Variants in RSPO2 observed in about 807,000 individuals in gnomAD.
RSPO2 encodes R-spondin-2.
In RSPO2, 14 loss-of-function variants were observed where a neutral mutation model predicts 30.9. The observed-to-expected ratio is 0.45, with a 90% CI of 0.30 to 0.71. RSPO2 has a LOEUF of 0.71. Ranked by LOEUF, RSPO2 falls within the 30% of genes least tolerant of loss-of-function variation. The pLI is 0.08. For synonymous variants in RSPO2, 107 were observed against 96.4 expected, an observed-to-expected ratio of 1.11 and a Z score of -0.64; for missense variants, 264 against 301.9, an observed-to-expected ratio of 0.87 and a Z score of 0.93.
At chr8:108,003,303 ATATATATATTTTTTTTT>A (rs1192691699) in intron 2 of RSPO2, among the ~76,000 whole-genome samples, 853 of 26,844 alleles carry the variant, frequency 0.032, 5 homozygotes, top group African/African-American at 0.093. Context: ...ATATATATAT[ATATATATATTTTTTTTT>A]TTTTTTTTTT....
intron 3 of RSPO2, among the ~76,000 whole-genome samples, chr8:107,970,534 T>C (rs1166291936): frequency 6.6e-6 from 1 of 152,176 alleles, no homozygotes; most frequent in African/African-American, 2.4e-5. Context: ...AGTGATGTCT[T>C]CCATATACCA....
intron 5 of RSPO2, among the ~76,000 whole-genome samples, chr8:107,920,271 A>G (rs1386211337): frequency 3.3e-5 from 5 of 152,176 alleles, no homozygotes; most frequent in African/African-American, 7.2e-5. Flanking sequence ...TCATTTAATA[A>G]TAATTCACTG....
chr8:108,081,943 T>G, intron 2 of RSPO2: 1 of 979,074 alleles, frequency 1.0e-6, no homozygotes, highest in Non-Finnish European at 1.2e-6. Context: ...CTCGTCGCAG[T>G]TTCCAGAAAA....
chr8:107,982,763 T>C (rs1358166972), intron 3 of RSPO2, among the ~76,000 whole-genome samples: 1 of 152,202 alleles, frequency 6.6e-6, no homozygotes. Flanking sequence ...AGTGCAACGC[T>C]GACATTGACC....
At chr8:107,997,331 G>A (rs1277680407) in intron 2 of RSPO2, 3 of 152,936 alleles carry the variant, frequency 2.0e-5, no homozygotes, top group Admixed American at 6.5e-5. Flanking sequence ...ATTGCTCTGA[G>A]ATTTAATTCA....
intron 2 of RSPO2, among the ~76,000 whole-genome samples, chr8:108,013,824 C>T (rs376429325): frequency 3.2e-4 from 49 of 152,206 alleles, no homozygotes; most frequent in South Asian, 1.4e-3. Flanking sequence ...CCAAAAACAA[C>T]GGCAACAAAA....
At chr8:107,925,855 C>A (rs1219344756) in intron 5 of RSPO2, among the ~76,000 whole-genome samples, 4 of 152,174 alleles carry the variant, frequency 2.6e-5, no homozygotes, top group Non-Finnish European at 5.9e-5. Context: ...AGTAGTGCCA[C>A]AATAAACATA....
chr8:107,983,534 C>G, intron 3 of RSPO2: 1 of 1,600,252 alleles, frequency 6.2e-7, no homozygotes, highest in Non-Finnish European at 8.6e-7. Context: ...GATCCAGACA[C>G]ACTACTATAT....
At chr8:108,047,543 G>A (rs1811941069) in intron 2 of RSPO2, among the ~76,000 whole-genome samples, 1 of 152,136 alleles carries the variant, frequency 6.6e-6, no homozygotes, top group South Asian at 2.1e-4. Flanking sequence ...TTCAATTGAA[G>A]TGGATGCCTT....
At chr8:107,949,694 G>A (rs1418229832) in intron 5 of RSPO2, among the ~76,000 whole-genome samples, 1 of 152,160 alleles carries the variant, frequency 6.6e-6, no homozygotes, top group East Asian at 1.9e-4. Context: ...TTAGAGTATG[G>A]AATAATAGAA....
intron 3 of RSPO2, among the ~76,000 whole-genome samples, chr8:107,970,718 A>C (rs1813967561): frequency 6.6e-6 from 1 of 152,236 alleles, no homozygotes; most frequent in East Asian, 1.9e-4. Context: ...TATTTTAATA[A>C]GTTTTTAATT....
chr8:108,003,223 G>GTA (rs1815307225), intron 2 of RSPO2, among the ~76,000 whole-genome samples: 1 of 122,148 alleles, frequency 8.2e-6, no homozygotes, highest in Admixed American at 9.3e-5. Context: ...GGCTAATTTT[G>GTA]TATGTGTGTG....
chr8:107,987,093 G>A (rs962834955), intron 3 of RSPO2, among the ~76,000 whole-genome samples: 4 of 151,958 alleles, frequency 2.6e-5, no homozygotes, highest in Non-Finnish European at 4.4e-5. Flanking sequence ...CTCTGCTAAC[G>A]ACGTAACATC....
intron 3 of RSPO2, among the ~76,000 whole-genome samples, chr8:107,986,611 T>C (rs1466949934): frequency 2.0e-5 from 3 of 152,220 alleles, no homozygotes; most frequent in Admixed American, 2.0e-4. Flanking sequence ...CCAATATCCC[T>C]GCATAGTTGT....
At chr8:108,026,261 A>T (rs571915917) in intron 2 of RSPO2, among the ~76,000 whole-genome samples, 5 of 146,752 alleles carry the variant, frequency 3.4e-5, no homozygotes, top group Non-Finnish European at 7.7e-5. Context: ...ATGGCTGAAG[A>T]ATTGGTCCAA....
chr8:107,989,222 A>C lies in RSPO2; in HGVS notation c.117T>G (p.Ile39Met). The C allele has an allele frequency of 6.3e-7, 1 of 1,579,642 alleles. No homozygotes were observed. Among genetic ancestry groups the C allele is most frequent in the Non-Finnish European group, 8.6e-7 (1 of 1,168,864 alleles). ...SKRASYVSNPICKGCLSCSKD... is the reference protein window; with the variant it reads ...SKRASYVSNPMCKGCLSCSKD... ...TTGAACAAGACAAACAACCCTTGCA[A>C]ATGGGATTTGATACATAACTAGCTG... Residue 39 changes from isoleucine to methionine, a missense_variant, in exon 3 of 6, where the codon ATT becomes ATG. Ile to Met is a conservative substitution (Grantham distance 10). Transcript: ENST00000276659.
chr8:108,028,715 T>C (rs1811304462), intron 2 of RSPO2, among the ~76,000 whole-genome samples: 1 of 152,202 alleles, frequency 6.6e-6, no homozygotes, highest in South Asian at 2.1e-4. Flanking sequence ...CTATCTCATA[T>C]GTTGTAGTAT....
At position 108,009,953 on chromosome 8, in the gene RSPO2, G is replaced by A. The variant is rs954541282; in HGVS notation, c.95-20709C>T. Among the ~76,000 whole-genome samples, 11 of 152,220 alleles carry A rather than the reference G, an allele frequency of 7.2e-5. No homozygotes were observed. The East Asian group carries it at 1.2e-3, about 16-fold the overall frequency. ...AGTCCCAGCTACTTGCGAGGCTGAG[G>A]CAGGAGGATCACTTGAGCTTGGGAG... On this transcript the variant is annotated intron_variant, in intron 2 of 5. Coordinates refer to ENST00000276659, the MANE Select transcript of RSPO2 (RefSeq NM_178565.5).
chr8:108,003,311 A>ATATAT (rs1815340187), intron 2 of RSPO2, among the ~76,000 whole-genome samples: 1 of 29,048 alleles, frequency 3.4e-5, no homozygotes, highest in Non-Finnish European at 6.0e-5. Context: ...ATATATATAT[A>ATATAT]TTTTTTTTTT....
Sources: allele counts gnomAD v4.1 joint callset (sites outside exome capture counted in the v4.1 genomes callset), GRCh38; gene constraint gnomAD v4.1.1; transcripts MANE v1.5; gene names NCBI Gene and HGNC (gene_info 2026-07-23, HGNC 2026-07-21).